Variants in PCDHGA7 observed in about 807,000 individuals in gnomAD.
PCDHGA7 encodes protocadherin gamma subfamily A, 7, also known as protocadherin gamma-A7.
Under a neutral mutation model 58.3 loss-of-function variants are expected in PCDHGA7, and 44 were observed. The ratio of observed to expected loss-of-function variants is 0.75; its 90% CI spans 0.59 to 0.97. The LOEUF (loss-of-function observed/expected upper bound fraction) is 0.97, where lower values mean the gene tolerates loss of function less well. Ranked by LOEUF, PCDHGA7 falls within the 50% of genes least tolerant of loss-of-function variation. The pLI is 0.00. For missense variants in PCDHGA7, 1,266 were observed against 1,188.7 expected (o/e 1.06, Z -0.96); for synonymous variants, 516 against 504.2 (o/e 1.02, Z -0.31).
intron 1 of PCDHGA7, among the ~76,000 whole-genome samples, chr5:141,474,669 C>T (rs983136753): frequency 6.6e-6 from 1 of 152,198 alleles, no homozygotes; most frequent in Non-Finnish European, 1.5e-5. Flanking sequence ...CCTACCTAAC[C>T]TATGTGCCTA....
At chr5:141,410,479 G>A in intron 1 of PCDHGA7, 2 of 1,613,956 alleles carry the variant, frequency 1.2e-6, no homozygotes, top group Non-Finnish European at 1.7e-6. Flanking sequence ...TTGCACATAC[G>A]GGTACAAAAG....
chr5:141,418,506 A>G, intron 1 of PCDHGA7: 1 of 1,613,978 alleles, frequency 6.2e-7, no homozygotes, highest in Non-Finnish European at 8.5e-7. Flanking sequence ...ACCGCCTTAG[A>G]TGGTGGGGAC....
chr5:141,506,246 C>T (rs1049014492), intron 3 of PCDHGA7, among the ~76,000 whole-genome samples: 3 of 151,958 alleles, frequency 2.0e-5, no homozygotes, highest in South Asian at 4.2e-4. Context: ...GTCAGGAGTT[C>T]GAAACCGGCC....
rs115565444 is a variant in PCDHGA7, at chr5:141,487,520, G to A, written c.2425-7287G>A. On this transcript the variant is annotated intron_variant, in intron 1 of 3. Transcript: ENST00000518325. This position sits in a 1 kb window ranked among gnomAD's most constrained non-coding sequence, Gnocchi z 5.0. ...CTTGGCTTCTGCACCCACTCGGAGT[G>A]ATAGCTTCATGATGGTGAAGTCACC... is the stretch of plus-strand genomic sequence containing the variant. The A allele has an allele frequency of 3.3e-4, 540 of 1,614,166 alleles. 6 individuals carry two copies. The East Asian group carries it at 8.7e-3, about 26-fold the overall frequency.
At chr5:141,398,857 C>A in intron 1 of PCDHGA7, 2 of 1,613,918 alleles carry the variant, frequency 1.2e-6, no homozygotes, top group Middle Eastern at 1.6e-4. Flanking sequence ...GGTATTCAAC[C>A]GAGACGTGTA....
At chr5:141,393,143 T>G in intron 1 of PCDHGA7, 1 of 1,613,290 alleles carries the variant, frequency 6.2e-7, no homozygotes, top group Non-Finnish European at 8.5e-7. Context: ...ACACCCTGGT[T>G]GAGGATAAAG....
intron 1 of PCDHGA7, chr5:141,409,879 A>G (rs1175297210): frequency 1.9e-6 from 3 of 1,612,734 alleles, no homozygotes; most frequent in African/African-American, 2.7e-5. Flanking sequence ...ATGACAACGC[A>G]CCGCGGGTGC....
intron 1 of PCDHGA7, chr5:141,492,015 G>A (rs117345436): frequency 3.3e-6 from 2 of 600,492 alleles, no homozygotes; most frequent in African/African-American, 1.9e-5. Context: ...CGCGGGTGTC[G>A]GGGGTCCCGG....
At position 141,511,520 on chromosome 5, in the gene PCDHGA7, A is replaced by C; in HGVS notation, c.*347A>C. On this transcript the variant is annotated 3_prime_UTR_variant, in exon 4 of 4. Coordinates refer to ENST00000518325, the MANE Select transcript of PCDHGA7 (RefSeq NM_018920.4). Reference sequence around the variant, plus strand: ...CAAATCAATCAGGCCCATCCATCCCATGCCTCCCTCCTCCCCACCCCACTC... The same window carrying C: ...CAAATCAATCAGGCCCATCCATCCCCTGCCTCCCTCCTCCCCACCCCACTC... The C allele has an allele frequency of 2.8e-6, 1 of 358,498 alleles. No homozygotes were observed. Among genetic ancestry groups the C allele is most frequent in the Non-Finnish European group, 5.3e-6 (1 of 189,848 alleles). 22.2% of individuals were successfully genotyped at this position (358,498 alleles called of 1,614,324 possible).
intron 1 of PCDHGA7, chr5:141,393,556 G>A (rs758148175): frequency 5.6e-6 from 9 of 1,613,916 alleles, no homozygotes; most frequent in East Asian, 2.2e-5. Flanking sequence ...CCGATTTACC[G>A]AGTGAAAGTC....
chr5:141,388,396 A>C, intron 1 of PCDHGA7: 2 of 1,614,014 alleles, frequency 1.2e-6, no homozygotes, highest in Non-Finnish European at 1.7e-6. Flanking sequence ...CAGAATTACC[A>C]ACTCAGTCCC....
At chr5:141,444,757 C>T (rs919228537) in intron 1 of PCDHGA7, among the ~76,000 whole-genome samples, 4 of 152,050 alleles carry the variant, frequency 2.6e-5, no homozygotes, top group African/African-American at 9.7e-5. Flanking sequence ...ATATGTAGTT[C>T]TATTTCTATA....
chr5:141,419,196 A>G (rs2096342064), intron 1 of PCDHGA7: 1 of 1,613,994 alleles, frequency 6.2e-7, no homozygotes, highest in Middle Eastern at 1.6e-4. Context: ...ACTGACGTCA[A>G]TGACAACGCG....
chr5:141,413,809 C>G, intron 1 of PCDHGA7: 1 of 1,613,188 alleles, frequency 6.2e-7, no homozygotes. Flanking sequence ...AGAGGCCATT[C>G]ACCACCTGGT....
At chr5:141,405,018 T>C (rs1413977666) in intron 1 of PCDHGA7, 5 of 1,613,834 alleles carry the variant, frequency 3.1e-6, no homozygotes, top group African/African-American at 2.7e-5. Context: ...GCCTCAGACC[T>C]TACCCTCTAC....
intron 1 of PCDHGA7, chr5:141,408,127 G>A (rs1017651550): frequency 2.0e-6 from 3 of 1,480,258 alleles, no homozygotes; most frequent in African/African-American, 2.8e-5. Context: ...GTCCTGGGCC[G>A]AATGCTCTTT....
At chr5:141,430,784 G>T in intron 1 of PCDHGA7, 1 of 1,512,418 alleles carries the variant, frequency 6.6e-7, no homozygotes, top group East Asian at 2.3e-5. Flanking sequence ...ACTGCACCGG[G>T]ACTACAAAGG....
chr5:141,476,766 T>C lies in PCDHGA7; in HGVS notation c.2425-18041T>C. ...AGTCTCCAGTTAGTGCTGACGGCGT[T>C]GGACGGAGGGACCCCAGCTCTCTCC... On this transcript the variant is annotated intron_variant, in intron 1 of 3. Coordinates refer to ENST00000518325, the MANE Select transcript of PCDHGA7 (RefSeq NM_018920.4). This position sits in a 1 kb window ranked among gnomAD's most constrained non-coding sequence, Gnocchi z 7.6. The C allele has an allele frequency of 1.9e-6, 3 of 1,613,626 alleles. No individual in the cohort carries two copies. The highest frequency in any genetic ancestry group is 2.5e-6 in the Non-Finnish European group (3 of 1,179,952).
chr5:141,444,152 A>ATTTTTTTTT (rs747671382), intron 1 of PCDHGA7, among the ~76,000 whole-genome samples: 2 of 33,898 alleles, frequency 5.9e-5, no homozygotes, highest in Non-Finnish European at 5.2e-5. Context: ...TGTGTACTGG[A>ATTTTTTTTT]TTTTTTTTTT....
Sources: gnomAD v4.1 joint callset for allele counts (sites outside exome capture counted in the v4.1 genomes callset) on GRCh38, gnomAD v4.1.1 for gene constraint, Gnocchi (gnomAD v3.1) non-coding constraint, MANE v1.5 for transcripts, NCBI Gene and HGNC (gene_info 2026-07-23, HGNC 2026-07-21) for gene names.